The following PGM5 variants were observed in gnomAD, a reference collection of about 807,000 sequenced individuals.
PGM5 encodes phosphoglucomutase-like protein 5.
Under a neutral mutation model 59.2 loss-of-function variants are expected in PGM5, and 23 were observed. The ratio of observed to expected loss-of-function variants is 0.39; its 90% CI spans 0.28 to 0.55. PGM5 has a LOEUF of 0.55. Ranked by LOEUF, PGM5 falls within the 20% of genes least tolerant of loss-of-function variation. The pLI is 0.66. For synonymous variants in PGM5, 214 were observed against 286.0 expected (o/e 0.75, Z 2.54); for missense variants, 574 against 748.3 (o/e 0.77, Z 2.72).
chr9:68,420,974 C>T (rs760246176), intron 6 of PGM5, among the ~76,000 whole-genome samples: 4 of 152,144 alleles, frequency 2.6e-5, no homozygotes, highest in Admixed American at 6.5e-5. Context: ...ATAGATGTAA[C>T]TTGGGATGTA....
chr9:68,468,919 A>G (rs1466118719), intron 7 of PGM5, among the ~76,000 whole-genome samples: 6 of 152,272 alleles, frequency 3.9e-5, no homozygotes, highest in African/African-American at 1.4e-4. Flanking sequence ...TCTAAAAGTA[A>G]TTTCTTAATT....
chr9:68,455,929 C>A (rs552573717), intron 6 of PGM5, among the ~76,000 whole-genome samples: 8 of 152,174 alleles, frequency 5.3e-5, no homozygotes. Context: ...GGCTCTTTTG[C>A]ATTCTATAAT....
chr9:68,390,294 T>G (rs1378313069), intron 4 of PGM5, among the ~76,000 whole-genome samples: 1 of 152,156 alleles, frequency 6.6e-6, no homozygotes, highest in Non-Finnish European at 1.5e-5. Flanking sequence ...AGCTTTGCTT[T>G]TTTTCCAAAT....
At chr9:68,425,832 C>T (rs568420008) in intron 6 of PGM5, among the ~76,000 whole-genome samples, 1 of 152,146 alleles carries the variant, frequency 6.6e-6, no homozygotes, top group African/African-American at 2.4e-5. Flanking sequence ...ACACAAAAAG[C>T]ACTAAGAGAT....
At position 68,479,462 on chromosome 9, in the gene PGM5, G is replaced by A. The variant is rs1587823666; in HGVS notation, c.1204G>A (p.Val402Ile). Residue 402 changes from valine to isoleucine, a missense_variant, in exon 8 of 11, where the codon GTC becomes ATC. Coordinates refer to ENST00000396396, the MANE Select transcript of PGM5 (RefSeq NM_021965.4). Reference protein sequence around the residue: ...REKDGLWAVLVWLSIIAARKQ... With the variant: ...REKDGLWAVLIWLSIIAARKQ... Reference sequence around the variant, plus strand: ...GAAGGATGGCCTGTGGGCTGTCTTGGTCTGGCTCTCCATTATTGCTGCCCG... The same window carrying A: ...GAAGGATGGCCTGTGGGCTGTCTTGATCTGGCTCTCCATTATTGCTGCCCG... 1.2e-6 allele frequency: 2 copies of A among 1,613,962 alleles called. No homozygotes were observed. The highest frequency in any genetic ancestry group is 2.2e-5 in the East Asian group (1 of 44,860).
At chr9:68,466,827 A>C (rs1391461761) in intron 7 of PGM5, among the ~76,000 whole-genome samples, 1 of 152,212 alleles carries the variant, frequency 6.6e-6, no homozygotes, top group Non-Finnish European at 1.5e-5. Flanking sequence ...TCTGTAACAC[A>C]AAATACAGTT....
chr9:68,364,358 G>T (rs1554676515), intron 1 of PGM5, among the ~76,000 whole-genome samples: 1 of 152,190 alleles, frequency 6.6e-6, no homozygotes, highest in East Asian at 1.9e-4. Flanking sequence ...AAATTCTTGG[G>T]GTGGAAGAAA....
intron 10 of PGM5, among the ~76,000 whole-genome samples, chr9:68,527,095 T>G (rs972714614): frequency 6.6e-6 from 1 of 152,190 alleles, no homozygotes. Context: ...CGCGTTAGTT[T>G]GTAGAGTTAA....
At chr9:68,408,115 G>A (rs1554681303) in intron 6 of PGM5, among the ~76,000 whole-genome samples, 1 of 152,152 alleles carries the variant, frequency 6.6e-6, no homozygotes. Context: ...CCCCAGATGG[G>A]GTTTCTTTAC....
intron 1 of PGM5, among the ~76,000 whole-genome samples, chr9:68,376,785 C>CTT (rs1276260877): frequency 4.1e-5 from 4 of 96,722 alleles, no homozygotes; most frequent in Admixed American, 1.1e-4. Context: ...TTCTTTCTTT[C>CTT]TTTCTTTCTT....
chr9:68,410,843 G>A (rs1311016396), intron 6 of PGM5, among the ~76,000 whole-genome samples: 1 of 152,212 alleles, frequency 6.6e-6, no homozygotes, highest in Admixed American at 6.5e-5. Flanking sequence ...CAAGGAAAAA[G>A]TTACATCTCG....
chr9:68,410,926 G>T (rs142677029), intron 6 of PGM5, among the ~76,000 whole-genome samples: 1 of 152,172 alleles, frequency 6.6e-6, no homozygotes, highest in Non-Finnish European at 1.5e-5. Context: ...CAAGGAACCA[G>T]GTTCTATCAT....
chr9:68,357,582 C>G, intron 1 of PGM5, 194 bp downstream of exon 1: 2 of 872,326 alleles, frequency 2.3e-6, no homozygotes, highest in South Asian at 3.5e-5. Context: ...ACCCCGGACA[C>G]TGGGTTCTAT....
chr9:68,503,669 TAAG>T (rs1406834438), intron 10 of PGM5, among the ~76,000 whole-genome samples: 2 of 152,198 alleles, frequency 1.3e-5, no homozygotes, highest in African/African-American at 4.8e-5. Context: ...GATGGCTTTC[TAAG>T]AAAACTAGCA....
chr9:68,499,294 G>A lies in PGM5; in HGVS notation c.1547G>A (p.Arg516Gln), dbSNP rs113668048. Reference protein sequence around the residue: ...IFRLSSSSGVRATLRLYAESY... With the variant: ...IFRLSSSSGVQATLRLYAESY... Reference sequence around the variant, plus strand: ...CGGCTCAGTTCCTCCAGTGGTGTGCGGGCCACCCTCAGACTGTACGCAGAG... The same window carrying A: ...CGGCTCAGTTCCTCCAGTGGTGTGCAGGCCACCCTCAGACTGTACGCAGAG... The change falls in exon 10 of 11, where the codon CGG becomes CAG. Residue 516 changes from arginine to glutamine, a missense_variant. Arg to Gln is a conservative substitution (Grantham distance 43). Around this residue, in one of 7 missense-constraint regions of PGM5, gnomAD observed 300 missense variants for 280.0 expected, o/e 1.07. Transcript: ENST00000396396. The A allele has an allele frequency of 3.0e-5, 49 of 1,613,926 alleles. No individual in the cohort carries two copies. Among genetic ancestry groups the A allele is most frequent in the Middle Eastern group, 3.3e-4 (2 of 6,084 alleles).
chr9:68,415,831 C>T lies in PGM5; in HGVS notation c.1043+23358C>T, dbSNP rs577315898. ...TCTATCTATCTTATCTATCTATCAT[C>T]TACACACACTAATGGTATTTTAGCT... On this transcript the variant is annotated intron_variant, in intron 6 of 10. Transcript: ENST00000396396. Among the ~76,000 whole-genome samples the T allele has an allele frequency of 7.9e-3, 878 of 111,020 alleles. 19 individuals carry two copies. The highest frequency in any genetic ancestry group is 0.025 in the African/African-American group (825 of 32,872). The allele number at this position is 111,020 out of a possible 152,430, so 72.8% of individuals were successfully genotyped here. A position where few individuals can be genotyped will look rare whatever the true frequency, so the allele number is the denominator to read the frequency against.
intron 10 of PGM5, among the ~76,000 whole-genome samples, chr9:68,527,457 G>A (rs557428591): frequency 1.3e-5 from 2 of 152,268 alleles, no homozygotes; most frequent in East Asian, 3.9e-4. Context: ...GCAGGAAAGA[G>A]GGAAGAGAAG....
At chr9:68,403,674 T>A (rs1442149451) in intron 6 of PGM5, among the ~76,000 whole-genome samples, 4 of 152,176 alleles carry the variant, frequency 2.6e-5, no homozygotes, top group Non-Finnish European at 5.9e-5. Context: ...GGTACCAGAT[T>A]ATCTGGCTCA....
intron 7 of PGM5, chr9:68,466,295 T>C: frequency 2.8e-6 from 2 of 724,226 alleles, no homozygotes; most frequent in South Asian, 4.7e-5. Context: ...TTAGCATTTC[T>C]CTTTGACTCT....
Sources: allele counts gnomAD v4.1 joint callset (sites outside exome capture counted in the v4.1 genomes callset), GRCh38; gene constraint gnomAD v4.1.1; regional missense constraint gnomAD v4.1.1; transcripts MANE v1.5; gene names NCBI Gene and HGNC (gene_info 2026-07-23, HGNC 2026-07-21).